The following CDH4 variants were observed in gnomAD, a reference collection of about 807,000 sequenced individuals.
CDH4 encodes the protein cadherin-4.
Under a neutral mutation model 86.0 loss-of-function variants are expected in CDH4, and 33 were observed. That is an observed-to-expected ratio of 0.38 (90% CI 0.29 to 0.51). The LOEUF is 0.51. CDH4 is among the 20% of genes least tolerant of loss of function. CDH4 has a pLI of 0.86. For missense variants in CDH4, 1,114 were observed against 1,307.4 expected, an observed-to-expected ratio of 0.85 and a Z score of 2.28; for synonymous variants, 555 against 549.4, an observed-to-expected ratio of 1.01 and a Z score of -0.14.
At chr20:61,836,474 T>C (rs1360498874) in intron 4 of CDH4, among the ~76,000 whole-genome samples, 2 of 152,272 alleles carry the variant, frequency 1.3e-5, no homozygotes, top group Non-Finnish European at 2.9e-5. Flanking sequence ...TGAACAGTTC[T>C]GTATGATGGT....
At chr20:61,597,400 G>A (rs1192629132) in intron 2 of CDH4, among the ~76,000 whole-genome samples, 5 of 152,138 alleles carry the variant, frequency 3.3e-5, no homozygotes, top group African/African-American at 1.2e-4. Context: ...TCCCCACATC[G>A]TCCTCACCAC....
chr20:61,565,260 G>GTGA (rs1555809147), intron 2 of CDH4, among the ~76,000 whole-genome samples: 1 of 101,726 alleles, frequency 9.8e-6, no homozygotes, highest in Non-Finnish European at 2.1e-5. Context: ...CTTGGTGATG[G>GTGA]TGGTGGTGGT....
chr20:61,419,020 C>A (rs555193024), intron 2 of CDH4, among the ~76,000 whole-genome samples: 20 of 152,280 alleles, frequency 1.3e-4, no homozygotes, highest in African/African-American at 4.8e-4. Context: ...TTAGCCTCAG[C>A]AAAGACGTTT....
At chr20:61,522,781 G>C (rs1600727983) in intron 2 of CDH4, among the ~76,000 whole-genome samples, 1 of 152,206 alleles carries the variant, frequency 6.6e-6, no homozygotes, top group Non-Finnish European at 1.5e-5. Context: ...CCCGGTGCCG[G>C]TGTGGCCTTA....
At chr20:61,262,631 G>A (rs1182750611) in intron 2 of CDH4, among the ~76,000 whole-genome samples, 1 of 152,144 alleles carries the variant, frequency 6.6e-6, no homozygotes, top group African/African-American at 2.4e-5. Context: ...AGTGTATTTG[G>A]TGTGTGCATC....
At chr20:61,773,250 C>T in intron 4 of CDH4, 68 bp downstream of exon 4, 1 of 1,414,706 alleles carries the variant, frequency 7.1e-7, no homozygotes, top group Non-Finnish European at 9.4e-7. Context: ...TCCCGACATC[C>T]CAAAGCCAGG....
intron 3 of CDH4, among the ~76,000 whole-genome samples, chr20:61,755,212 T>C (rs1313891906): frequency 1.3e-5 from 2 of 151,374 alleles, no homozygotes; most frequent in African/African-American, 4.9e-5. Flanking sequence ...ACGTGAGAAT[T>C]CTGGGATATA....
intron 2 of CDH4, among the ~76,000 whole-genome samples, chr20:61,435,963 C>T (rs1271813428): frequency 6.6e-6 from 1 of 152,004 alleles, no homozygotes; most frequent in African/African-American, 2.4e-5. Flanking sequence ...GCCCCACCTC[C>T]CCTCGCCTTC....
chr20:61,365,770 G>A lies in CDH4; in HGVS notation c.169+110833G>A, dbSNP rs535808789. On this transcript the variant is annotated intron_variant, in intron 2 of 15. Coordinates refer to ENST00000614565, the MANE Select transcript of CDH4 (RefSeq NM_001794.5). Reference sequence around the variant, plus strand: ...TGCCTGCATTCCCTTTGGAGAGACAGTAACCAAGCTCACTGGGGCATGGCC... The same window carrying A: ...TGCCTGCATTCCCTTTGGAGAGACAATAACCAAGCTCACTGGGGCATGGCC... Among the ~76,000 whole-genome samples, 3 of 152,220 alleles carry A rather than the reference G, an allele frequency of 2.0e-5. No individual in the cohort carries two copies. In the East Asian group the frequency reaches 5.8e-4, roughly 30 times the overall value.
intron 2 of CDH4, among the ~76,000 whole-genome samples, chr20:61,561,587 A>G (rs984953216): frequency 6.6e-6 from 1 of 152,246 alleles, no homozygotes; most frequent in Non-Finnish European, 1.5e-5. Flanking sequence ...AGTGGGTTCC[A>G]GTAAAGGTAG....
intron 2 of CDH4, among the ~76,000 whole-genome samples, chr20:61,697,117 G>A (rs1040869898): frequency 2.6e-5 from 4 of 152,170 alleles, no homozygotes; most frequent in African/African-American, 9.7e-5. Context: ...AGCAGCCCCG[G>A]GAAGCTAACA....
intron 2 of CDH4, among the ~76,000 whole-genome samples, chr20:61,477,045 G>T (rs2085540916): frequency 1.3e-5 from 2 of 152,214 alleles, no homozygotes; most frequent in African/African-American, 4.8e-5. Flanking sequence ...AGAGCCAGGG[G>T]CCGGGGCTGC....
At chr20:61,802,164 G>A (rs991243189) in intron 4 of CDH4, among the ~76,000 whole-genome samples, 1 of 152,220 alleles carries the variant, frequency 6.6e-6, no homozygotes, top group African/African-American at 2.4e-5. Context: ...CTTGGAGCCA[G>A]GCCCAGGCAG....
intron 2 of CDH4, among the ~76,000 whole-genome samples, chr20:61,565,258 TGGTGGTG>T (rs2086274220): frequency 4.4e-5 from 3 of 68,626 alleles, no homozygotes; most frequent in African/African-American, 5.8e-5. Flanking sequence ...CTCTTGGTGA[TGGTGGTG>T]GTGGTCCTCT....
Position 61,564,484 on chromosome 20 carries a change from C to T in CDH4, c.170-179079C>T, listed in dbSNP as rs142860076. On this transcript the variant is annotated intron_variant, in intron 2 of 15. Transcript: ENST00000614565. ...GCTCTGAGCTCACGGGAGAGCTGGT[C>T]GTTTAAAAGACTGTGGCACCTCCCC... is the stretch of plus-strand genomic sequence containing the variant. Among the ~76,000 whole-genome samples the T allele has an allele frequency of 1.4e-4, 22 of 152,142 alleles. 1 individual carries two copies. In the East Asian group the frequency reaches 2.7e-3, roughly 19 times the overall value.
chr20:61,922,662 C>T (rs1425768903), intron 9 of CDH4, among the ~76,000 whole-genome samples: 4 of 152,224 alleles, frequency 2.6e-5, no homozygotes, highest in African/African-American at 9.6e-5. Flanking sequence ...GCCTCTCTCC[C>T]GTTTCTTGGC....
intron 6 of CDH4, among the ~76,000 whole-genome samples, chr20:61,858,177 G>GTC (rs1555849336): frequency 2.0e-5 from 3 of 147,770 alleles, no homozygotes; most frequent in Non-Finnish European, 4.5e-5. Context: ...GTGTGTCTGT[G>GTC]TGTGTCTCTG....
chr20:61,528,850 AT>A (rs11476710), intron 2 of CDH4, among the ~76,000 whole-genome samples: 26,662 of 142,370 alleles, frequency 0.19, 2,631 homozygotes, highest in East Asian at 0.32. Context: ...GATGATCTTG[AT>A]TTTTTTTTTT....
At chr20:61,625,489 A>G (rs2086822518) in intron 2 of CDH4, among the ~76,000 whole-genome samples, 1 of 152,182 alleles carries the variant, frequency 6.6e-6, no homozygotes, top group South Asian at 2.1e-4. Context: ...AGTCGGAAGC[A>G]TGACAAACAC....
Sources: gnomAD v4.1 joint callset for allele counts (sites outside exome capture counted in the v4.1 genomes callset) on GRCh38, gnomAD v4.1.1 for gene constraint, MANE v1.5 for transcripts, NCBI Gene and HGNC (gene_info 2026-07-23, HGNC 2026-07-21) for gene names.